Variants in NR3C1 observed in about 807,000 individuals in gnomAD.
NR3C1 encodes nuclear receptor subfamily 3 group C member 1.
NR3C1 carries 14 observed loss-of-function variants against 74.0 expected under a neutral mutation model. That is an observed-to-expected ratio of 0.19 (90% CI 0.12 to 0.30). NR3C1 has a LOEUF of 0.30. Among genes scored for constraint, NR3C1 ranks in the 10% least tolerant of loss-of-function variants. The pLI, the probability that NR3C1 is intolerant of heterozygous loss-of-function variation, is 1.00. For missense variants in NR3C1, 695 were observed against 909.8 expected, an observed-to-expected ratio of 0.76 and a Z score of 3.04; for synonymous variants, 308 against 332.5, an observed-to-expected ratio of 0.93 and a Z score of 0.80.
chr5:143,408,036 TAAACTTTTG>T (rs1311604409), upstream of NR3C1, among the ~76,000 whole-genome samples: 1 of 152,278 alleles, frequency 6.6e-6, no homozygotes. Flanking sequence ...TTGCAAACTT[TAAACTTTTG>T]AAACTTTTGA....
At chr5:143,374,842 G>A (rs1340290444) in intron 2 of NR3C1, among the ~76,000 whole-genome samples, 1 of 152,068 alleles carries the variant, frequency 6.6e-6, no homozygotes, top group East Asian at 1.9e-4. Flanking sequence ...ACGTTTTTAA[G>A]AGAAGTAATT....
intron 2 of NR3C1, among the ~76,000 whole-genome samples, chr5:143,361,579 G>A (rs1235970762): frequency 4.6e-5 from 7 of 152,198 alleles, no homozygotes; most frequent in Non-Finnish European, 1.5e-5. Flanking sequence ...CTTCTGAGTA[G>A]TTAGGAAAAC....
chr5:143,362,441 A>C (rs992888339), intron 2 of NR3C1, among the ~76,000 whole-genome samples: 1 of 149,494 alleles, frequency 6.7e-6, no homozygotes, highest in Non-Finnish European at 1.5e-5. Context: ...GCTCACGGCA[A>C]GCTCCACCTC....
intron 2 of NR3C1, among the ~76,000 whole-genome samples, chr5:143,354,645 A>G (rs987434965): frequency 4.6e-5 from 7 of 152,176 alleles, no homozygotes; most frequent in Admixed American, 2.6e-4. Flanking sequence ...CAATTAAAAT[A>G]GTAACATCAG....
Position 143,282,045 on chromosome 5 carries a change from C to A in NR3C1, c.2182-4G>T. 1 of 1,613,344 alleles carries A rather than the reference C, an allele frequency of 6.2e-7. No homozygotes were observed. The highest frequency in any genetic ancestry group is 8.5e-7 in the Non-Finnish European group (1 of 1,179,626). ...AGTTAAGGAGATTTTCAACCACCTG[C>A]AAGAGAAGATATGGTAATGATCAGG... On this transcript the variant is annotated splice_polypyrimidine_tract_variant and splice_region_variant and intron_variant, in intron 8 of 8. Coordinates refer to ENST00000394464, the MANE Select transcript of NR3C1 (RefSeq NM_000176.3).
chr5:143,400,213 A>G lies in NR3C1; in HGVS notation c.627T>C (p.Asn209=), dbSNP rs1840006862. The change falls in exon 2 of 9, where the codon AAT becomes AAC. Residue 209 remains asparagine, a synonymous_variant. Coordinates refer to ENST00000394464, the MANE Select transcript of NR3C1 (RefSeq NM_000176.3). ...FSSGSPGKET[N]ESPWRSDLLI... ...ACAGGTCTGATCTCCAAGGACTCTC[A>G]TTCGTCTCTTTACCTGGGGACCCAG... 1 of 1,607,216 alleles carries G rather than the reference A, an allele frequency of 6.2e-7. No homozygotes were observed. Among genetic ancestry groups the G allele is most frequent in the Non-Finnish European group, 8.5e-7 (1 of 1,177,104 alleles).
rs150890408 is a variant in NR3C1 at position 143,300,636 on chromosome 5, C to G, written c.1596G>C (p.Leu532=). The G allele has an allele frequency of 2.4e-5, 38 of 1,613,996 alleles. No individual in the cohort carries two copies. The African/African-American group carries it at 3.6e-4, about 15-fold the overall frequency. Residue 532 remains leucine (L), a synonymous_variant, in exon 5 of 9, where the codon CTG becomes CTC. Coordinates refer to ENST00000394464, the MANE Select transcript of NR3C1 (RefSeq NM_000176.3). This position sits in a 1 kb window ranked among gnomAD's most constrained non-coding sequence, Gnocchi z 5.2. The part of the protein sequence containing the change: ...PATLPQLTPT[L]VSLLEVIEPE... ...GTTCAATAACCTCCAACAGTGACAC[C>G]AGGGTAGGGGTGAGTTGTGGTAACG...
At chr5:143,342,045 C>A (rs184504842) in intron 2 of NR3C1, among the ~76,000 whole-genome samples, 80 of 152,060 alleles carry the variant, frequency 5.3e-4, no homozygotes, top group Non-Finnish European at 8.8e-4. Context: ...AAGTCTCAGT[C>A]TCTCAGACTT....
At chr5:143,399,596 A>G in intron 2 of NR3C1, 60 bp downstream of exon 2, 1 of 1,208,682 alleles carries the variant, frequency 8.3e-7, no homozygotes. Context: ...ATGAAGATTT[A>G]CATCTATTAA....
At chr5:143,395,420 C>G (rs977710730) in intron 2 of NR3C1, among the ~76,000 whole-genome samples, 1 of 151,690 alleles carries the variant, frequency 6.6e-6, no homozygotes, top group Non-Finnish European at 1.5e-5. Flanking sequence ...TTCTTGAAAA[C>G]TCTTTATGCA....
intron 2 of NR3C1, among the ~76,000 whole-genome samples, chr5:143,341,261 G>A (rs1248960381): frequency 1.3e-5 from 2 of 152,230 alleles, no homozygotes; most frequent in Non-Finnish European, 2.9e-5. Context: ...AAAAGGCTTA[G>A]TAGGATCTGC....
chr5:143,311,819 C>T (rs572076464), intron 3 of NR3C1, among the ~76,000 whole-genome samples: 237 of 133,160 alleles, frequency 1.8e-3, no homozygotes, highest in Admixed American at 6.3e-3. Flanking sequence ...CCTGTAGAGA[C>T]GGGGTCTCGT....
intron 2 of NR3C1, among the ~76,000 whole-genome samples, chr5:143,329,135 CA>C (rs1326654007): frequency 6.6e-6 from 1 of 152,112 alleles, no homozygotes; most frequent in Non-Finnish European, 1.5e-5. Context: ...CATAGTTCTG[CA>C]TAGCTGGGGA....
intron 2 of NR3C1, among the ~76,000 whole-genome samples, chr5:143,384,261 G>A (rs1427090404): frequency 6.6e-6 from 1 of 152,116 alleles, no homozygotes; most frequent in Admixed American, 6.6e-5. Context: ...GACATGTGGG[G>A]ATTACAAGTG....
chr5:143,399,426 G>A (rs1839830406), intron 2 of NR3C1, among the ~76,000 whole-genome samples: 1 of 151,994 alleles, frequency 6.6e-6, no homozygotes. Context: ...AATCCTCACC[G>A]TTGGCCAATG....
chr5:143,299,191 T>C (rs894303296), intron 5 of NR3C1, among the ~76,000 whole-genome samples: 7 of 151,832 alleles, frequency 4.6e-5, no homozygotes, highest in Admixed American at 3.3e-4. Flanking sequence ...TTTTTGTAAT[T>C]TTAGTAGAGA....
intron 2 of NR3C1, among the ~76,000 whole-genome samples, chr5:143,331,863 C>T (rs143701376): frequency 2.0e-5 from 3 of 152,136 alleles, no homozygotes; most frequent in Non-Finnish European, 2.9e-5. Context: ...ATAATCTGTA[C>T]AGCAAACCCC....
At chr5:143,384,384 G>A (rs955357012) in intron 2 of NR3C1, among the ~76,000 whole-genome samples, 21 of 152,206 alleles carry the variant, frequency 1.4e-4, no homozygotes, top group African/African-American at 4.6e-4. Flanking sequence ...AATAGTCCCC[G>A]GAAGTCTTAA....
At chr5:143,344,603 T>C (rs976158286) in intron 2 of NR3C1, among the ~76,000 whole-genome samples, 3 of 152,012 alleles carry the variant, frequency 2.0e-5, no homozygotes, top group Non-Finnish European at 4.4e-5. Flanking sequence ...CTGGGCGCGG[T>C]AGCTCACGCC....
Sources: gnomAD v4.1 joint callset for allele counts (sites outside exome capture counted in the v4.1 genomes callset) on GRCh38, gnomAD v4.1.1 for gene constraint, Gnocchi (gnomAD v3.1) non-coding constraint, MANE v1.5 for transcripts, NCBI Gene and HGNC (gene_info 2026-07-23, HGNC 2026-07-21) for gene names.